DDX60: variants seen among roughly 807,000 people sequenced by gnomAD.
DDX60 encodes the protein probable ATP-dependent RNA helicase DDX60.
DDX60 carries 165 observed loss-of-function variants against 212.8 expected under a neutral mutation model. The observed-to-expected ratio is 0.78, with a 90% confidence interval of 0.68 to 0.88. The LOEUF (loss-of-function observed/expected upper bound fraction) is 0.88, where lower values mean the gene tolerates loss of function less well. Ranked by LOEUF, DDX60 falls within the 40% of genes least tolerant of loss-of-function variation. The probability of loss-of-function intolerance (pLI) is 0.00; values close to 1 mark genes in which losing one functional copy is unlikely to be tolerated. For synonymous variants in DDX60, 703 were observed against 685.3 expected, an observed-to-expected ratio of 1.03 and a Z score of -0.40; for missense variants, 1,905 against 2,003.9, an observed-to-expected ratio of 0.95 and a Z score of 0.94.
chr4:168,253,452 C>T (rs1734293433), intron 26 of DDX60, among the ~76,000 whole-genome samples: 1 of 152,068 alleles, frequency 6.6e-6, no homozygotes, highest in East Asian at 1.9e-4. Context: ...TGCACCATTC[C>T]CTGGACAATT....
At chr4:168,227,192 G>A (rs1733287472) in intron 33 of DDX60, among the ~76,000 whole-genome samples, 1 of 145,208 alleles carries the variant, frequency 6.9e-6, no homozygotes, top group Non-Finnish European at 1.5e-5. Flanking sequence ...CTGAGCCTTG[G>A]GTTTTCTTTG....
chr4:168,288,116 A>G, intron 9 of DDX60, 58 bp downstream of exon 9: 1 of 1,156,218 alleles, frequency 8.6e-7, no homozygotes, highest in African/African-American at 1.6e-5. Flanking sequence ...GTAGTTTTAA[A>G]TTCCTTATAA....
chr4:168,283,387 A>G (rs925992489), intron 13 of DDX60, 59 bp downstream of exon 13: 130 of 1,493,184 alleles, frequency 8.7e-5, no homozygotes, highest in Non-Finnish European at 1.2e-4. Flanking sequence ...GATAACACAT[A>G]TCAACCTGAT....
upstream of DDX60, among the ~76,000 whole-genome samples, chr4:168,321,149 CT>C (rs1737603071): frequency 6.6e-6 from 1 of 151,312 alleles, no homozygotes; most frequent in African/African-American, 2.4e-5. Context: ...TTTTTTTTTA[CT>C]TTTTCACTTC....
chr4:168,239,347 TAGC>T (rs1370233689), intron 30 of DDX60, among the ~76,000 whole-genome samples: 1 of 151,412 alleles, frequency 6.6e-6, no homozygotes, highest in Admixed American at 6.6e-5. Context: ...GGTAGGTAGA[TAGC>T]AGATAGCAGA....
chr4:168,256,930 G>A (rs538722729), intron 25 of DDX60, among the ~76,000 whole-genome samples: 2 of 152,342 alleles, frequency 1.3e-5, no homozygotes, highest in Non-Finnish European at 2.9e-5. Context: ...AAATAAACTG[G>A]CACACTGGTG....
chr4:168,281,609 T>C (rs902337161), intron 13 of DDX60, among the ~76,000 whole-genome samples: 1 of 152,196 alleles, frequency 6.6e-6, no homozygotes, highest in Non-Finnish European at 1.5e-5. Flanking sequence ...CCAATTAACT[T>C]AAACATAGTA....
chr4:168,256,030 G>C (rs1426588084), intron 25 of DDX60, among the ~76,000 whole-genome samples, 161 bp from the exon 26 acceptor site: 1 of 151,922 alleles, frequency 6.6e-6, no homozygotes. Context: ...TTCTGAATCA[G>C]CAGACTCCTT....
At chr4:168,290,548 C>G (rs1736048416) in intron 8 of DDX60, among the ~76,000 whole-genome samples, 1 of 151,864 alleles carries the variant, frequency 6.6e-6, no homozygotes, top group African/African-American at 2.4e-5. Context: ...ACCATGTTAG[C>G]CAGGATGGTC....
chr4:168,223,120 A>G (rs970001156), intron 35 of DDX60, among the ~76,000 whole-genome samples: 10 of 152,034 alleles, frequency 6.6e-5, no homozygotes, highest in Non-Finnish European at 1.2e-4. Context: ...GAAAAACACA[A>G]AGTTTAGAAA....
intron 3 of DDX60, among the ~76,000 whole-genome samples, chr4:168,308,478 A>G (rs2149551699): frequency 6.6e-6 from 1 of 152,168 alleles, no homozygotes; most frequent in Admixed American, 6.5e-5. Flanking sequence ...TACCCTGCAT[A>G]TAAACCTAAA....
intron 16 of DDX60, among the ~76,000 whole-genome samples, chr4:168,274,357 G>A (rs972972056): frequency 1.3e-5 from 2 of 152,178 alleles, no homozygotes; most frequent in East Asian, 1.9e-4. Flanking sequence ...TACTAAGTGC[G>A]GTTGAGAAAC....
intron 22 of DDX60, among the ~76,000 whole-genome samples, chr4:168,267,158 G>A (rs1734882855): frequency 1.3e-5 from 2 of 152,086 alleles, no homozygotes; most frequent in East Asian, 1.9e-4. Flanking sequence ...AAATCATGTC[G>A]TGATTGCTAC....
the DDX60 span, among the ~76,000 whole-genome samples, chr4:168,325,365 A>G: frequency 6.6e-6 from 1 of 152,170 alleles, no homozygotes; most frequent in South Asian, 2.1e-4. Context: ...GGATGCCAAC[A>G]ATTTTTATTT....
chr4:168,234,571 T>G (rs992358159), intron 33 of DDX60, among the ~76,000 whole-genome samples: 6 of 152,054 alleles, frequency 3.9e-5, no homozygotes, highest in Non-Finnish European at 8.8e-5. Context: ...TTTTATCAAT[T>G]TTGTCTCTCT....
intron 36 of DDX60, 113 bp from the exon 37 acceptor site, chr4:168,220,830 C>T (rs1733026525): frequency 2.0e-6 from 1 of 494,810 alleles, no homozygotes; most frequent in African/African-American, 2.0e-5. Context: ...GTCAAGATCT[C>T]TTTCCAAAAA....
At chr4:168,256,318 T>A (rs1734412186) in intron 25 of DDX60, among the ~76,000 whole-genome samples, 2 of 152,162 alleles carry the variant, frequency 1.3e-5, no homozygotes, top group South Asian at 4.1e-4. Context: ...CAAAAAATTG[T>A]TCTTTTGGTA....
chr4:168,284,758 TA>T, intron 12 of DDX60, 61 bp downstream of exon 12: 2 of 816,762 alleles, frequency 2.4e-6, no homozygotes, highest in Non-Finnish European at 3.7e-6. Flanking sequence ...TTTTCCACTA[TA>T]AAATAAGAGG....
At chr4:168,259,384 C>T (rs868819430) in intron 25 of DDX60, among the ~76,000 whole-genome samples, 10 of 152,110 alleles carry the variant, frequency 6.6e-5, no homozygotes, top group Non-Finnish European at 1.0e-4. Flanking sequence ...TTTGTAAATC[C>T]TTGGCAGTGC....
Sources: allele counts gnomAD v4.1 joint callset (sites outside exome capture counted in the v4.1 genomes callset), GRCh38; gene constraint gnomAD v4.1.1; transcripts MANE v1.5; gene names NCBI Gene and HGNC (gene_info 2026-07-23, HGNC 2026-07-21).